TIMM23B: variants seen among roughly 807,000 people sequenced by gnomAD.
TIMM23B encodes mitochondrial import inner membrane translocase subunit Tim23B.
In TIMM23B, 27 loss-of-function variants were observed where a neutral mutation model predicts 27.3. The ratio of observed to expected loss-of-function variants is 0.99; its 90% CI spans 0.73 to 1.36. TIMM23B has a LOEUF of 1.36. TIMM23B is among the 40% of genes most tolerant of loss of function. The pLI is 0.00. For synonymous variants in TIMM23B, 73 were observed against 92.4 expected (o/e 0.79, Z 1.21); for missense variants, 205 against 244.2 (o/e 0.84, Z 1.07).
chr10:49,956,603 G>GTA (rs1839734841), intron 5 of TIMM23B, among the ~76,000 whole-genome samples: 2 of 146,314 alleles, frequency 1.4e-5, no homozygotes, highest in African/African-American at 4.9e-5. Context: ...TCTTCCAGGC[G>GTA]TTTCTCTGCA....
At chr10:49,956,426 CGTGTGTGTGTGTGTGTGT>C (rs1173703740) in intron 5 of TIMM23B, among the ~76,000 whole-genome samples, 5 of 113,854 alleles carry the variant, frequency 4.4e-5, no homozygotes, top group East Asian at 4.5e-4. Flanking sequence ...ACTAGAAATA[CGTGTGTGTGTGTGTGTGT>C]GTGTGTGTGT....
At chr10:49,959,154 G>T (rs1839817116) in intron 6 of TIMM23B, among the ~76,000 whole-genome samples, 1 of 152,096 alleles carries the variant, frequency 6.6e-6, no homozygotes, top group Non-Finnish European at 1.5e-5. Context: ...ATGGTTTATG[G>T]TGGTTTTTTG....
chr10:49,970,243 C>G (rs1435221224), intron 6 of TIMM23B: 2 of 153,104 alleles, frequency 1.3e-5, no homozygotes, highest in African/African-American at 4.8e-5. Context: ...GCGTCTCTGC[C>G]TGGCCGCCCA....
intron 6 of TIMM23B, among the ~76,000 whole-genome samples, chr10:49,971,615 T>G (rs1406925797): frequency 2.6e-5 from 4 of 152,196 alleles, no homozygotes; most frequent in Non-Finnish European, 5.9e-5. Flanking sequence ...ATCCCTTACT[T>G]TATCCTAGGA....
intron 6 of TIMM23B, among the ~76,000 whole-genome samples, chr10:49,963,554 A>C (rs1169436258): frequency 6.6e-6 from 1 of 152,248 alleles, no homozygotes; most frequent in Admixed American, 6.5e-5. Context: ...GAAATAAATG[A>C]AATATTGAAA....
intron 1 of TIMM23B, chr10:49,943,252 G>A (rs1839219387): frequency 6.6e-6 from 1 of 151,586 alleles, no homozygotes; most frequent in East Asian, 1.9e-4. Context: ...ACCTCGTTCT[G>A]TCACCCATGT....
At chr10:49,972,218 A>C (rs567171337) in intron 6 of TIMM23B, among the ~76,000 whole-genome samples, 1 of 152,328 alleles carries the variant, frequency 6.6e-6, no homozygotes, top group Admixed American at 6.5e-5. Context: ...ATTTATCTGG[A>C]AAGGCTTGCT....
At chr10:49,952,307 A>C in intron 3 of TIMM23B, 88 bp downstream of exon 3, 5 of 1,464,926 alleles carry the variant, frequency 3.4e-6, no homozygotes, top group Non-Finnish European at 4.7e-6. Context: ...TGTTGGTTTC[A>C]GGGTTTTTTT....
At chr10:49,962,496 G>A (rs1446562379) in intron 6 of TIMM23B, among the ~76,000 whole-genome samples, 3 of 151,860 alleles carry the variant, frequency 2.0e-5, no homozygotes, top group Non-Finnish European at 4.4e-5. Context: ...CCACCACGCC[G>A]GGCCAAGCCA....
chr10:49,964,589 T>C (rs1161493928), intron 6 of TIMM23B, among the ~76,000 whole-genome samples: 2 of 145,838 alleles, frequency 1.4e-5, no homozygotes, highest in Non-Finnish European at 3.0e-5. Context: ...AATAATGAAA[T>C]GAATAATGAA....
chr10:49,969,151 G>C (rs1840301490), intron 6 of TIMM23B, among the ~76,000 whole-genome samples: 1 of 152,136 alleles, frequency 6.6e-6, no homozygotes, highest in African/African-American at 2.4e-5. Flanking sequence ...GTTCATAACA[G>C]CATATTATTC....
intron 4 of TIMM23B, among the ~76,000 whole-genome samples, chr10:49,954,047 TG>T (rs1839626063): frequency 6.6e-6 from 1 of 152,258 alleles, no homozygotes; most frequent in African/African-American, 2.4e-5. Flanking sequence ...TTAGTAAATA[TG>T]TAACATAATT....
At chr10:49,971,361 C>T (rs1375609336) in intron 6 of TIMM23B, among the ~76,000 whole-genome samples, 14 of 148,476 alleles carry the variant, frequency 9.4e-5, no homozygotes, top group African/African-American at 3.5e-4. Context: ...ACTGCAAGAA[C>T]ATCTGCCCCA....
Position 49,942,106 on chromosome 10 carries a change from G to A in TIMM23B, c.-89G>A, listed in dbSNP as rs1208481709. ...GTGTGAAGTAGGCGCTGGCAACGCG[G>A]GGTTACCCGCTGTTATTGAGGAGTA... On this transcript the variant is annotated 5_prime_UTR_variant, in exon 1 of 7. Coordinates refer to ENST00000651259, the MANE Select transcript of TIMM23B (RefSeq NM_001290117.2). The A allele has an allele frequency of 9.1e-6, 13 of 1,435,926 alleles. No individual in the cohort carries two copies. The highest frequency in any genetic ancestry group is 1.2e-5 in the Non-Finnish European group (13 of 1,070,962). 88.9% of individuals were successfully genotyped at this position (1,435,926 alleles called of 1,614,324 possible).
chr10:49,953,914 A>G (rs1839622236), intron 4 of TIMM23B, among the ~76,000 whole-genome samples: 1 of 152,192 alleles, frequency 6.6e-6, no homozygotes, highest in African/African-American at 2.4e-5. Context: ...AAAAACCCCA[A>G]TATCATATTA....
At chr10:49,949,873 CAG>C (rs1407667513) in intron 2 of TIMM23B, among the ~76,000 whole-genome samples, 4 of 150,478 alleles carry the variant, frequency 2.7e-5, no homozygotes, top group African/African-American at 9.8e-5. Flanking sequence ...ATAGTAGACA[CAG>C]GGTCTCACTG....
Position 49,942,062 on chromosome 10 carries a change from C to G in TIMM23B, c.-133C>G. 1 of 1,250,140 alleles carries G rather than the reference C, an allele frequency of 8.0e-7. No homozygotes were observed. The highest frequency in any genetic ancestry group is 1.1e-6 in the Non-Finnish European group (1 of 913,616). The allele number at this position is 1,250,140 out of a possible 1,614,324, so 77.4% of individuals were successfully genotyped here. A position where few individuals can be genotyped will look rare whatever the true frequency, so the allele number is the denominator to read the frequency against. On this transcript the variant is annotated 5_prime_UTR_variant, in exon 1 of 7. Transcript: ENST00000651259. ...CGGAAGTGTGGCGCTTAACGGGAAC[C>G]GGCGCCCGGAATGTCAGCGTGTGAA...
At chr10:49,945,666 A>G (rs1198063037) in intron 2 of TIMM23B, among the ~76,000 whole-genome samples, 1 of 152,198 alleles carries the variant, frequency 6.6e-6, no homozygotes, top group African/African-American at 2.4e-5. Flanking sequence ...TTTTTGACTA[A>G]GCATCAAAAG....
chr10:49,945,373 TTTG>T, intron 2 of TIMM23B, among the ~76,000 whole-genome samples: 4 of 151,852 alleles, frequency 2.6e-5, no homozygotes, highest in African/African-American at 7.3e-5. Context: ...GTGGGGTTTT[TTTG>T]TTTGTTTGTT....
Sources: allele counts gnomAD v4.1 joint callset (sites outside exome capture counted in the v4.1 genomes callset), GRCh38; gene constraint gnomAD v4.1.1; transcripts MANE v1.5; gene names NCBI Gene and HGNC (gene_info 2026-07-23, HGNC 2026-07-21).